Variants in FBXO43 observed in about 807,000 individuals in gnomAD.
FBXO43 encodes the protein F-box protein 43, also known as F-box only protein 43.
FBXO43 carries 22 observed loss-of-function variants against 56.7 expected under a neutral mutation model. The ratio of observed to expected loss-of-function variants is 0.39; its 90% CI spans 0.28 to 0.55. The LOEUF is 0.55. Among genes scored for constraint, FBXO43 ranks in the 20% least tolerant of loss-of-function variants. The pLI, the probability that FBXO43 is intolerant of heterozygous loss-of-function variation, is 0.66. For synonymous variants in FBXO43, 306 were observed against 294.5 expected (o/e 1.04, Z -0.40); for missense variants, 733 against 814.9 (o/e 0.90, Z 1.22).
chr8:100,135,823 C>T (rs1814452578), intron 3 of FBXO43, among the ~76,000 whole-genome samples: 1 of 152,010 alleles, frequency 6.6e-6, no homozygotes, highest in Admixed American at 6.6e-5. Flanking sequence ...TCAGGCTGAT[C>T]TTGAACTCCT....
chr8:100,150,156 G>A (rs917638533), upstream of FBXO43, among the ~76,000 whole-genome samples: 1 of 152,156 alleles, frequency 6.6e-6, no homozygotes, highest in Non-Finnish European at 1.5e-5. Context: ...TCAGAGAAGG[G>A]GCCAGAAAGC....
At chr8:100,143,538 T>C (rs1814721938) in intron 1 of FBXO43, among the ~76,000 whole-genome samples, 1 of 152,252 alleles carries the variant, frequency 6.6e-6, no homozygotes, top group East Asian at 1.9e-4. Flanking sequence ...ATCTACATCC[T>C]CTCAGATCAC....
intron 2 of FBXO43, among the ~76,000 whole-genome samples, chr8:100,138,796 G>A (rs976016090): frequency 6.6e-6 from 1 of 152,196 alleles, no homozygotes; most frequent in East Asian, 1.9e-4. Flanking sequence ...CCAGCACTTT[G>A]GGAGGCCAAG....
intron 1 of FBXO43, among the ~76,000 whole-genome samples, chr8:100,143,773 A>G (rs191952086): frequency 1.1e-4 from 17 of 151,916 alleles, no homozygotes; most frequent in African/African-American, 4.1e-4. Context: ...TTAATTTTTA[A>G]TTTTTTTATT....
upstream of FBXO43, among the ~76,000 whole-genome samples, chr8:100,150,185 AAGGT>A (rs1465167264): frequency 1.3e-5 from 2 of 152,234 alleles, no homozygotes; most frequent in African/African-American, 2.4e-5. Flanking sequence ...AATCAAGAGA[AAGGT>A]AGGAGGCAGC....
Position 100,134,374 on chromosome 8 carries a change from A to G in FBXO43, c.1675-10T>C. 1 of 1,611,750 alleles carries G rather than the reference A, an allele frequency of 6.2e-7. No individual in the cohort carries two copies. Among genetic ancestry groups the G allele is most frequent in the Non-Finnish European group, 8.5e-7 (1 of 1,179,114 alleles). On this transcript the variant is annotated splice_polypyrimidine_tract_variant and intron_variant, in intron 3 of 4. Transcript: ENST00000428847. ...CATTTAATACAGCCCCCTGTGGTAAAGGACAAGAGGCATCAATACTGCAAT... is the reference window on the plus strand; with the variant it reads ...CATTTAATACAGCCCCCTGTGGTAAGGGACAAGAGGCATCAATACTGCAAT...
Position 100,133,742 on chromosome 8 carries a change from T to G in FBXO43, c.*60A>C. ...GGAAGATTTGCATGTATTCAAAATATTCATAATTTTAAGTCAGATAAATAG... is the reference window on the plus strand; with the variant it reads ...GGAAGATTTGCATGTATTCAAAATAGTCATAATTTTAAGTCAGATAAATAG... On this transcript the variant is annotated 3_prime_UTR_variant, in exon 5 of 5. Coordinates refer to ENST00000428847, the MANE Select transcript of FBXO43 (RefSeq NM_001029860.4). 2 of 1,503,284 alleles carry G rather than the reference T, an allele frequency of 1.3e-6. No homozygotes were observed. The highest frequency in any genetic ancestry group is 2.7e-5 in the South Asian group (2 of 73,834). 93.1% of individuals were successfully genotyped at this position (1,503,284 alleles called of 1,614,324 possible). A position where few individuals can be genotyped will look rare whatever the true frequency, so the allele number is the denominator to read the frequency against.
At position 100,141,212 on chromosome 8, in the gene FBXO43, G is replaced by T. The variant is rs367914864; in HGVS notation, c.1042C>A (p.Leu348Met). The change falls in exon 2 of 5, where the codon CTG (leucine) becomes ATG (methionine). Residue 348 changes from leucine to methionine, a missense_variant. Transcript: ENST00000428847. Reference sequence around the variant, plus strand: ...TGAAAAGAACCCTCCTGGTCAGACAGGGAATCTTCTGATTTCTCCAAGCTA... The same window carrying T: ...TGAAAAGAACCCTCCTGGTCAGACATGGAATCTTCTGATTTCTCCAAGCTA... ...SLSLEKSEDSLSDQEGSFQEL... is the reference protein window; with the variant it reads ...SLSLEKSEDSMSDQEGSFQEL... 1.9e-6 allele frequency: 3 copies of T among 1,614,182 alleles called. No individual in the cohort carries two copies. The highest frequency in any genetic ancestry group is 2.2e-5 in the South Asian group (2 of 91,082).
chr8:100,140,707 G>T lies in FBXO43; in HGVS notation c.1547C>A (p.Ser516Tyr). ...LKHILAMVLE[S>Y]LTAESLCSVW... ...CCTGCATAGGCTCTCTGCGGTCAAG[G>T]ACTCTAAAACCATAGCAAGAATATG... The change falls in exon 2 of 5, where the codon TCC becomes TAC. Residue 516 changes from serine (S) to tyrosine (Y), a missense_variant. Physicochemically the swap from Ser to Tyr is moderately radical, Grantham distance 144. Coordinates refer to ENST00000428847, the MANE Select transcript of FBXO43 (RefSeq NM_001029860.4). 6.2e-7 allele frequency: 1 copy of T among 1,604,900 alleles called. No homozygotes were observed. The highest frequency in any genetic ancestry group is 8.5e-7 in the Non-Finnish European group (1 of 1,176,886).
rs1328983858 is a variant in FBXO43, at chr8:100,144,721, G to A, written c.85+330C>T. 4.0e-5 allele frequency among the ~76,000 whole-genome samples: 6 copies of A among 151,458 alleles called. No homozygotes were observed. The East Asian group carries it at 9.7e-4, about 24-fold the overall frequency. On this transcript the variant is annotated intron_variant, in intron 1 of 4. Transcript: ENST00000428847. Reference sequence around the variant, plus strand: ...CCGGGGCGGGCGGATCACGAGGTCAGGAGAGCGAGACCAACCTGGCTAACA... The same window carrying A: ...CCGGGGCGGGCGGATCACGAGGTCAAGAGAGCGAGACCAACCTGGCTAACA...
intron 2 of FBXO43, 99 bp from the exon 3 acceptor site, chr8:100,137,766 C>T (rs1814518864): frequency 7.4e-6 from 6 of 812,264 alleles, no homozygotes; most frequent in Admixed American, 6.5e-5. Flanking sequence ...TTAAAGATTT[C>T]GGGCAGTAAA....
chr8:100,145,967 C>G (rs1814823308), upstream of FBXO43, among the ~76,000 whole-genome samples: 1 of 152,242 alleles, frequency 6.6e-6, no homozygotes, highest in African/African-American at 2.4e-5. Context: ...TCTCGCTCAC[C>G]CCTGCACCCG....
upstream of FBXO43, among the ~76,000 whole-genome samples, chr8:100,148,286 A>G (rs1814865832): frequency 6.6e-6 from 1 of 152,094 alleles, no homozygotes; most frequent in Admixed American, 6.5e-5. Context: ...AATCATTGTC[A>G]CCTCTCCCCA....
At chr8:100,134,702 G>A (rs147659314) in intron 3 of FBXO43, among the ~76,000 whole-genome samples, 2 of 152,230 alleles carry the variant, frequency 1.3e-5, no homozygotes, top group African/African-American at 4.8e-5. Flanking sequence ...TAGACTTTGT[G>A]GGCCATGTAG....
At chr8:100,134,565 A>G (rs1814412546) in intron 3 of FBXO43, among the ~76,000 whole-genome samples, 1 of 152,160 alleles carries the variant, frequency 6.6e-6, no homozygotes, top group African/African-American at 2.4e-5. Context: ...TTAAATAAAT[A>G]TAAAAAGAAA....
In FBXO43 at chr8:100,140,029, A is replaced by G. The variant is rs188841428; in HGVS notation, c.1571+654T>C. Among the ~76,000 whole-genome samples, 333 of 152,362 alleles carry G rather than the reference A, an allele frequency of 2.2e-3. 2 individuals are homozygous for G. Among genetic ancestry groups the G allele is most frequent in the African/African-American group, 7.7e-3 (320 of 41,588 alleles). ...GCAATCTGACAATATGATCTGAACT[A>G]TTAAATCATTAAACAACTTCCATGG... is the stretch of plus-strand genomic sequence containing the variant. On this transcript the variant is annotated intron_variant, in intron 2 of 4. Coordinates refer to ENST00000428847, the MANE Select transcript of FBXO43 (RefSeq NM_001029860.4).
chr8:100,146,605 C>T (rs1814836120), upstream of FBXO43, among the ~76,000 whole-genome samples: 1 of 152,112 alleles, frequency 6.6e-6, no homozygotes, highest in Admixed American at 6.5e-5. Flanking sequence ...TATTATATGC[C>T]AGGGACACTC....
upstream of FBXO43, chr8:100,150,533 C>A (rs890908776): frequency 6.6e-6 from 1 of 152,286 alleles, no homozygotes; most frequent in African/African-American, 2.4e-5. Context: ...CCTGCTTTAC[C>A]GCCTTTGCGC....
rs1418949063 is a variant in FBXO43 at position 100,141,699 on chromosome 8, G to C, written c.555C>G (p.Asn185Lys). Reference sequence around the variant, plus strand: ...CACTGCTTGGAATATTTTTTTCTAAGTTGATAACTTGGCTTATACTACTTT... The same window carrying C: ...CACTGCTTGGAATATTTTTTTCTAACTTGATAACTTGGCTTATACTACTTT... Reference protein sequence around the residue: ...SLESSISQVINLEKNIPSSAS... With the variant: ...SLESSISQVIKLEKNIPSSAS... Residue 185 changes from asparagine to lysine, a missense_variant, in exon 2 of 5, where the codon AAC (asparagine) becomes AAG (lysine). Coordinates refer to ENST00000428847, the MANE Select transcript of FBXO43 (RefSeq NM_001029860.4). The C allele has an allele frequency of 2.5e-6, 4 of 1,610,904 alleles. No homozygotes were observed. The Admixed American group carries it at 6.7e-5, about 27-fold the overall frequency.
Sources: allele counts gnomAD v4.1 joint callset (sites outside exome capture counted in the v4.1 genomes callset), GRCh38; gene constraint gnomAD v4.1.1; transcripts MANE v1.5; gene names NCBI Gene and HGNC (gene_info 2026-07-23, HGNC 2026-07-21).